The following WDR11 variants were observed in gnomAD, a reference collection of about 807,000 sequenced individuals.
The protein encoded by WDR11 is WD repeat-containing protein 11.
WDR11 carries 83 observed loss-of-function variants against 151.2 expected under a neutral mutation model. The observed-to-expected ratio is 0.55, with a 90% CI of 0.46 to 0.66. The LOEUF (loss-of-function observed/expected upper bound fraction) is 0.66, where lower values mean the gene tolerates loss of function less well. Ranked by LOEUF, WDR11 falls within the 30% of genes least tolerant of loss-of-function variation. The pLI, the probability that WDR11 is intolerant of heterozygous loss-of-function variation, is 0.00. For missense variants in WDR11, 1,301 were observed against 1,480.9 expected (o/e 0.88, Z 1.99); for synonymous variants, 484 against 533.1 (o/e 0.91, Z 1.27).
At chr10:120,862,693 C>T (rs1325924673) in intron 4 of WDR11, 42 bp from the exon 5 acceptor site, 10 of 1,595,194 alleles carry the variant, frequency 6.3e-6, no homozygotes, top group Non-Finnish European at 7.7e-6. Flanking sequence ...GTATGCTAAA[C>T]TTCATTAAAC....
chr10:120,901,154 C>G (rs1311848361), intron 21 of WDR11, 56 bp downstream of exon 21: 2 of 1,401,972 alleles, frequency 1.4e-6, no homozygotes, highest in Admixed American at 3.4e-5. Context: ...AAATGCAATT[C>G]AACTTTAAAT....
chr10:120,885,367 T>A (rs534164769), intron 14 of WDR11, among the ~76,000 whole-genome samples: 1 of 151,994 alleles, frequency 6.6e-6, no homozygotes, highest in Non-Finnish European at 1.5e-5. Flanking sequence ...TAAGAACTTA[T>A]ACATATGCGA....
intron 2 of WDR11, among the ~76,000 whole-genome samples, chr10:120,853,345 A>T (rs1845844949): frequency 6.6e-6 from 1 of 151,732 alleles, no homozygotes; most frequent in East Asian, 1.9e-4. Context: ...GGCTCACTGT[A>T]AGCTCCACAT....
rs2133735311 is a variant in WDR11, at chr10:120,860,296, G to C, written c.526+14G>C. ...CACATTTAACTTGTGAGTAACAGTT[G>C]CTTGTGGAAAATGAGTTAAGTGAGA... On this transcript the variant is annotated intron_variant, in intron 4 of 28. Transcript: ENST00000263461. 1 of 1,612,008 alleles carries C rather than the reference G, an allele frequency of 6.2e-7. No individual in the cohort carries two copies. Among genetic ancestry groups the C allele is most frequent in the African/African-American group, 1.3e-5 (1 of 75,022 alleles).
At chr10:120,866,939 A>G (rs902957699) in intron 8 of WDR11, 127 bp from the exon 9 acceptor site, 4 of 1,037,750 alleles carry the variant, frequency 3.9e-6, no homozygotes, top group Non-Finnish European at 4.3e-6. Context: ...TATTTCACCT[A>G]TGGGTAAGAT....
chr10:120,886,690 T>TTGC lies in WDR11; in HGVS notation c.1979_1981dup (p.Leu660dup), dbSNP rs1380641067. The TTGC allele has an allele frequency of 1.2e-6, 2 of 1,613,624 alleles. No homozygotes were observed. Among genetic ancestry groups the TTGC allele is most frequent in the African/African-American group, 2.7e-5 (2 of 74,906 alleles). On this transcript the variant is annotated inframe_insertion and splice_region_variant, in exon 16 of 29. Transcript: ENST00000263461. ...ATCATATGTTTCACTATCCCAAAGC[T>TTGC]TGCTGCAGGAGGCAGAAAGTAAATC... is the stretch of plus-strand genomic sequence containing the variant.
Position 120,909,369 on chromosome 10 carries a change from C to CATCA in WDR11, c.*657_*660dup, listed in dbSNP as rs1488815554. On this transcript the variant is annotated 3_prime_UTR_variant, in exon 29 of 29. Transcript: ENST00000263461. ...TTGAATTTTAACTCCTTTTATGATA[C>CATCA]ATCACAGTAACCTCATTTTTGAAGT... The CATCA allele has an allele frequency of 3.3e-5, 5 of 153,324 alleles. No individual in the cohort carries two copies. The highest frequency in any genetic ancestry group is 1.9e-4 in the East Asian group (1 of 5,194). The allele number at this position is 153,324 out of a possible 1,614,324, so 9.5% of individuals were successfully genotyped here.
In WDR11 at chr10:120,878,552, A is replaced by AT. The variant is rs541632751; in HGVS notation, c.1663+102dup. On this transcript the variant is annotated intron_variant, in intron 12 of 28. Coordinates refer to ENST00000263461, the MANE Select transcript of WDR11 (RefSeq NM_018117.12). ...TTGAAAGTACTTCTTTCACCTTGGA[A>AT]TTTTTTTTTATATTTCATGCTTATA... 8.2e-4 allele frequency: 808 copies of AT among 979,838 alleles called. 5 individuals are homozygous for AT. In the African/African-American group the frequency reaches 0.011, roughly 13 times the overall value. The allele number at this position is 979,838 out of a possible 1,614,324, so 60.7% of individuals were successfully genotyped here.
chr10:120,903,904 T>G, intron 23 of WDR11, 143 bp from the exon 24 acceptor site: 1 of 611,192 alleles, frequency 1.6e-6, no homozygotes, highest in Non-Finnish European at 2.9e-6. Context: ...TTATTAAATG[T>G]TTGGGGTGCT....
At chr10:120,865,241 C>G (rs1386567519) in intron 6 of WDR11, 29 bp downstream of exon 6, 2 of 1,604,940 alleles carry the variant, frequency 1.2e-6, no homozygotes, top group Non-Finnish European at 1.7e-6. Context: ...TTATATTCCC[C>G]AAAATTATTA....
intron 2 of WDR11, among the ~76,000 whole-genome samples, chr10:120,856,847 G>A (rs1845965371): frequency 6.6e-6 from 1 of 151,996 alleles, no homozygotes; most frequent in African/African-American, 2.4e-5. Flanking sequence ...CTTGTTATTT[G>A]TGGTAGCTAT....
At chr10:120,877,846 T>C (rs1429894344) in intron 11 of WDR11, among the ~76,000 whole-genome samples, 1 of 152,160 alleles carries the variant, frequency 6.6e-6, no homozygotes, top group African/African-American at 2.4e-5. Context: ...TAGCACAAAG[T>C]GTGTGTGTTT....
intron 27 of WDR11, 92 bp downstream of exon 27, chr10:120,906,113 G>A: frequency 6.2e-7 from 1 of 1,607,298 alleles, no homozygotes; most frequent in Non-Finnish European, 8.5e-7. Context: ...GGTACTCGAT[G>A]TGTAAAGTGA....
At chr10:120,893,463 C>T (rs1439129453) in intron 19 of WDR11, among the ~76,000 whole-genome samples, 2 of 151,644 alleles carry the variant, frequency 1.3e-5, no homozygotes, top group African/African-American at 2.4e-5. Context: ...TGAATAGTGC[C>T]GTAATAAACA....
intron 5 of WDR11, among the ~76,000 whole-genome samples, chr10:120,864,333 A>T (rs948298206): frequency 2.6e-5 from 4 of 152,226 alleles, no homozygotes; most frequent in African/African-American, 9.6e-5. Context: ...GTAAAATGAA[A>T]TGTAAAATGA....
chr10:120,858,637 A>G lies in WDR11; in HGVS notation c.199-6A>G, dbSNP rs1846029474. On this transcript the variant is annotated splice_region_variant and splice_polypyrimidine_tract_variant and intron_variant, in intron 2 of 28. Transcript: ENST00000263461. The stretch of plus-strand genomic sequence containing the variant: ...ATTTACTTGATCTGATTTCTTCTTG[A>G]TACAGGTTAAATGGGCCAGGGAAAA... 1.2e-6 allele frequency: 2 copies of G among 1,614,062 alleles called. No homozygotes were observed. The highest frequency in any genetic ancestry group is 3.3e-5 in the Admixed American group (2 of 60,014).
At chr10:120,895,759 A>T (rs1847592604) in intron 19 of WDR11, among the ~76,000 whole-genome samples, 1 of 152,202 alleles carries the variant, frequency 6.6e-6, no homozygotes, top group Non-Finnish European at 1.5e-5. Context: ...TTTAAAAAGT[A>T]AATTTTTAAA....
rs1212770771 is a variant in WDR11 at position 120,904,797 on chromosome 10, A to G, written c.3179A>G (p.Asn1060Ser). The stretch of plus-strand genomic sequence containing the variant: ...TTGGTGGCAACGAATATGATTGCCA[A>G]TGGCAAATTGGCAGGTAAGGCACAC... Reference protein sequence around the residue: ...IKLVATNMIANGKLAEGVQLL... With the variant: ...IKLVATNMIASGKLAEGVQLL... Residue 1060 changes from asparagine to serine, a missense_variant, in exon 25 of 29, where the codon AAT (asparagine) becomes AGT (serine). Asn to Ser is a conservative substitution (Grantham distance 46). This residue lies in a region of WDR11 where 589 missense variants were observed against 670.6 expected (regional missense o/e 0.88). Coordinates refer to ENST00000263461, the MANE Select transcript of WDR11 (RefSeq NM_018117.12). The G allele has an allele frequency of 9.3e-6, 15 of 1,614,092 alleles. No homozygotes were observed. Among genetic ancestry groups the G allele is most frequent in the East Asian group, 4.5e-5 (2 of 44,892 alleles).
chr10:120,871,707 G>A (rs1846550179), intron 10 of WDR11, among the ~76,000 whole-genome samples: 1 of 152,064 alleles, frequency 6.6e-6, no homozygotes, highest in Non-Finnish European at 1.5e-5. Flanking sequence ...TTTTCGTTGG[G>A]TCTTTATTGA....
Sources: gnomAD v4.1 joint callset for allele counts (sites outside exome capture counted in the v4.1 genomes callset) on GRCh38, gnomAD v4.1.1 for gene constraint, gnomAD v4.1.1 regional missense constraint, MANE v1.5 for transcripts, NCBI Gene and HGNC (gene_info 2026-07-23, HGNC 2026-07-21) for gene names.